Variants in MOV10L1 observed in about 807,000 individuals in gnomAD.
MOV10L1 encodes the protein Mov10 like RNA helicase 1.
Under a neutral mutation model 143.8 loss-of-function variants are expected in MOV10L1, and 110 were observed. The observed-to-expected ratio is 0.76, with a 90% confidence interval of 0.66 to 0.90. The LOEUF is 0.90. MOV10L1 is among the 40% of genes least tolerant of loss of function. The pLI is 0.00. For synonymous variants in MOV10L1, 593 were observed against 581.1 expected (o/e 1.02, Z -0.29); for missense variants, 1,406 against 1,526.8 (o/e 0.92, Z 1.32).
chr22:50,102,688 G>T (rs942969667), intron 3 of MOV10L1, among the ~76,000 whole-genome samples: 5 of 152,102 alleles, frequency 3.3e-5, no homozygotes, highest in Admixed American at 1.3e-4. Context: ...GATCACCTGA[G>T]GTTGGGAGTT....
At chr22:50,113,883 A>G (rs1173667195) in intron 6 of MOV10L1, 95 bp downstream of exon 6, 1 of 1,016,070 alleles carries the variant, frequency 9.8e-7, no homozygotes, top group South Asian at 3.2e-5. Flanking sequence ...TACTTTGGTC[A>G]TTTATTTTTT....
intron 15 of MOV10L1, among the ~76,000 whole-genome samples, chr22:50,137,630 A>G (rs2062855486): frequency 6.6e-6 from 1 of 151,650 alleles, no homozygotes; most frequent in South Asian, 2.1e-4. Context: ...GCTTGAAACC[A>G]GGAGGTGGAG....
intron 3 of MOV10L1, among the ~76,000 whole-genome samples, chr22:50,101,619 C>A (rs1033604220): frequency 6.6e-6 from 1 of 151,712 alleles, no homozygotes; most frequent in Non-Finnish European, 1.5e-5. Context: ...TCAAGCAATT[C>A]TCTTGCCTCA....
At position 50,114,503 on chromosome 22, in the gene MOV10L1, C is replaced by A. The variant is rs2062113364; in HGVS notation, c.1007C>A (p.Ser336Tyr). The change falls in exon 7 of 27, where the codon TCT (serine) becomes TAT (tyrosine). Residue 336 changes from serine to tyrosine, a missense_variant. Ser to Tyr is a moderately radical substitution (Grantham distance 144). Coordinates refer to ENST00000262794, the MANE Select transcript of MOV10L1 (RefSeq NM_018995.3). ...DQMCPVVSFVSVPEKENSSDE... is the reference protein window; with the variant it reads ...DQMCPVVSFVYVPEKENSSDE... ...ATGTGCCCCGTGGTATCTTTTGTTT[C>A]TGTTCCTGAGAAGGAGAATTCATCA... The A allele has an allele frequency of 6.2e-7, 1 of 1,614,174 alleles. No homozygotes were observed. Among genetic ancestry groups the A allele is most frequent in the African/African-American group, 1.3e-5 (1 of 75,030 alleles).
chr22:50,157,017 T>G (rs2063443908), intron 22 of MOV10L1, among the ~76,000 whole-genome samples: 1 of 152,170 alleles, frequency 6.6e-6, no homozygotes, highest in Non-Finnish European at 1.5e-5. Context: ...TCACCACCAC[T>G]TATTTTCTGG....
chr22:50,092,043 A>G lies in MOV10L1; in HGVS notation c.140A>G (p.Tyr47Cys), dbSNP rs2062459465. 6.2e-7 allele frequency: 1 copy of G among 1,614,102 alleles called. No individual in the cohort carries two copies. The highest frequency in any genetic ancestry group is 8.5e-7 in the Non-Finnish European group (1 of 1,180,042). ...ACTGTACGGGGTGTCGTGACAAGGT[A>G]CTGCAGCGATTATGGCATGATTGAT... ...LKTVRGVVTR[Y>C]CSDYGMIDDM... is the part of the protein sequence containing the mutation. Residue 47 changes from tyrosine to cysteine, a missense_variant, in exon 2 of 27, where the codon TAC (tyrosine) becomes TGC (cysteine). This residue lies in a region of MOV10L1 where 166 missense variants were observed against 153.9 expected (regional missense o/e 1.08). Transcript: ENST00000262794.
At chr22:50,122,793 A>T (rs9617084) in intron 10 of MOV10L1, among the ~76,000 whole-genome samples, 16,869 of 100,806 alleles carry the variant, frequency 0.17, 1,206 homozygotes, top group South Asian at 0.28. Flanking sequence ...TTATTTATTT[A>T]TTTATTTTTG....
chr22:50,115,709 C>T (rs1454750001), intron 8 of MOV10L1, among the ~76,000 whole-genome samples: 1 of 152,266 alleles, frequency 6.6e-6, no homozygotes, highest in Non-Finnish European at 1.5e-5. Flanking sequence ...CTCTCACCCT[C>T]ACAAAGAAAA....
intron 7 of MOV10L1, 104 bp downstream of exon 7, chr22:50,114,726 C>CAGCT: frequency 6.7e-7 from 1 of 1,489,722 alleles, no homozygotes; most frequent in South Asian, 1.3e-5. Flanking sequence ...GGACACCCGG[C>CAGCT]AGCTACAGTG....
chr22:50,124,374 A>C (rs4838840), intron 10 of MOV10L1, among the ~76,000 whole-genome samples: 12,469 of 152,184 alleles, frequency 0.082, 618 homozygotes, highest in South Asian at 0.17. Flanking sequence ...GCTCTTTTGC[A>C]CATAACGTTG....
In MOV10L1 at chr22:50,158,159, C is replaced by G. The variant is rs920717560; in HGVS notation, c.3169C>G (p.Gln1057Glu). 3.1e-6 allele frequency: 5 copies of G among 1,614,192 alleles called. No individual in the cohort carries two copies. Among genetic ancestry groups the G allele is most frequent in the Middle Eastern group, 1.6e-4 (1 of 6,062 alleles). ...CCTCCTGGCCCACAGCATCTCCAGT[C>G]AGGTGTCTGCCAGCGACATTGGCGT... ...CCLLAHSISS[Q>E]VSASDIGVIT... Residue 1057 changes from glutamine (Q) to glutamate (E), a missense_variant, in exon 23 of 27, where the codon CAG becomes GAG. Around this residue, in one of 3 missense-constraint regions of MOV10L1, gnomAD observed 1,233 missense variants for 1,351.4 expected, o/e 0.91. Transcript: ENST00000262794. This position sits in a 1 kb window ranked among gnomAD's most constrained non-coding sequence, Gnocchi z 5.0.
At chr22:50,139,994 G>A (rs1265049458) in intron 15 of MOV10L1, among the ~76,000 whole-genome samples, 2 of 152,230 alleles carry the variant, frequency 1.3e-5, no homozygotes, top group Non-Finnish European at 2.9e-5. Context: ...TCTCTCTAGA[G>A]AGATGAAGAC....
intron 13 of MOV10L1, among the ~76,000 whole-genome samples, chr22:50,131,573 A>G (rs1319428545): frequency 1.3e-5 from 2 of 152,168 alleles, no homozygotes; most frequent in Non-Finnish European, 2.9e-5. Flanking sequence ...TATCCTGTAC[A>G]TTTAGGATTA....
chr22:50,143,672 G>A (rs2063053979), intron 17 of MOV10L1, among the ~76,000 whole-genome samples: 1 of 152,224 alleles, frequency 6.6e-6, no homozygotes, highest in African/African-American at 2.4e-5. Context: ...TCCCTTGTCA[G>A]GTGAGGAGCA....
chr22:50,103,178 G>A (rs944498268), intron 3 of MOV10L1, among the ~76,000 whole-genome samples: 4 of 152,224 alleles, frequency 2.6e-5, no homozygotes, highest in Non-Finnish European at 5.9e-5. Context: ...GCGTGGGAGG[G>A]AGCAAATGTG....
chr22:50,113,958 G>A (rs527544726), intron 6 of MOV10L1, among the ~76,000 whole-genome samples, 170 bp downstream of exon 6: 8 of 126,616 alleles, frequency 6.3e-5, no homozygotes, highest in African/African-American at 1.6e-4. Context: ...TTGCTCCGTC[G>A]CCCGGGCTGG....
intron 15 of MOV10L1, among the ~76,000 whole-genome samples, chr22:50,138,822 GCCT>G (rs1198696434): frequency 1.3e-5 from 2 of 152,048 alleles, no homozygotes; most frequent in Non-Finnish European, 2.9e-5. Context: ...TCCTGCCTCG[GCCT>G]CCTGAGTAGC....
At chr22:50,141,619 C>G (rs936354207) in intron 15 of MOV10L1, among the ~76,000 whole-genome samples, 1 of 151,760 alleles carries the variant, frequency 6.6e-6, no homozygotes, top group Non-Finnish European at 1.5e-5. Flanking sequence ...GGATGATAAG[C>G]GTGAGCCCCG....
Position 50,159,678 on chromosome 22 carries a change from G to C in MOV10L1, c.3217G>C (p.Val1073Leu). 6.3e-7 allele frequency: 1 copy of C among 1,592,906 alleles called. No individual in the cohort carries two copies. The highest frequency in any genetic ancestry group is 8.6e-7 in the Non-Finnish European group (1 of 1,161,618). ...GTCTTTCTTTTAATCTGTTCTCAAG[G>C]TGGAGAAAATCAGAATTCTTTTGCG... ...IGVITPYRKQ[V>L]EKIRILLRNV... The change falls in exon 24 of 27, where the codon GTG becomes CTG. Residue 1073 changes from valine to leucine, a missense_variant and splice_region_variant. Transcript: ENST00000262794. This position sits in a 1 kb window ranked among gnomAD's most constrained non-coding sequence, Gnocchi z 4.1.
Sources: gnomAD v4.1 joint callset for allele counts (sites outside exome capture counted in the v4.1 genomes callset) on GRCh38, gnomAD v4.1.1 for gene constraint, gnomAD v4.1.1 regional missense constraint, Gnocchi (gnomAD v3.1) non-coding constraint, MANE v1.5 for transcripts, NCBI Gene and HGNC (gene_info 2026-07-23, HGNC 2026-07-21) for gene names.